CRACD: variants seen among roughly 807,000 people sequenced by gnomAD.
CRACD encodes the protein capping protein-inhibiting regulator of actin dynamics.
Under a neutral mutation model 106.8 loss-of-function variants are expected in CRACD, and 56 were observed. That is an observed-to-expected ratio of 0.52 (90% CI 0.42 to 0.66). The LOEUF is 0.66. CRACD is among the 30% of genes least tolerant of loss of function. CRACD has a pLI of 0.00. For missense variants in CRACD, 1,730 were observed against 1,623.2 expected, an observed-to-expected ratio of 1.07 and a Z score of -1.13; for synonymous variants, 754 against 670.8, an observed-to-expected ratio of 1.12 and a Z score of -1.92.
intron 1 of CRACD, among the ~76,000 whole-genome samples, chr4:56,162,020 T>A (rs1208400834): frequency 6.6e-6 from 1 of 152,112 alleles, no homozygotes; most frequent in Non-Finnish European, 1.5e-5. Flanking sequence ...CGCCTCGGCC[T>A]CCCAAAGTGA....
At chr4:56,273,424 T>TC in intron 3 of CRACD, among the ~76,000 whole-genome samples, 1 of 143,892 alleles carries the variant, frequency 6.9e-6, no homozygotes, top group Admixed American at 6.9e-5. Context: ...CTTTCTTCCC[T>TC]TCCTTCCTTC....
At chr4:56,153,141 C>T (rs10004358) in intron 1 of CRACD, among the ~76,000 whole-genome samples, 63,850 of 151,808 alleles carry the variant, frequency 0.42, 13,908 homozygotes, top group African/African-American at 0.52. Context: ...TAGCTGGGCA[C>T]GGTGGCACAT....
intron 2 of CRACD, among the ~76,000 whole-genome samples, chr4:56,232,736 A>ATTTATTTATTTATTTT (rs1425944250): frequency 6.7e-6 from 1 of 150,178 alleles, no homozygotes; most frequent in African/African-American, 2.5e-5. Context: ...TTATTTATTT[A>ATTTATTTATTTATTTT]TTTTTTGAGA....
intron 1 of CRACD, among the ~76,000 whole-genome samples, chr4:56,152,691 C>A (rs1735623514): frequency 6.6e-6 from 1 of 151,664 alleles, no homozygotes; most frequent in African/African-American, 2.4e-5. Context: ...CAGAGTGAGA[C>A]CCTGTCTCAA....
At chr4:56,300,281 A>T (rs576707937) in intron 4 of CRACD, among the ~76,000 whole-genome samples, 96 of 152,342 alleles carry the variant, frequency 6.3e-4, no homozygotes, top group African/African-American at 2.1e-3. Flanking sequence ...ACAGGGAAGT[A>T]GCCAAGAGAC....
At chr4:56,264,991 C>T (rs1419187366) in intron 2 of CRACD, among the ~76,000 whole-genome samples, 1 of 152,152 alleles carries the variant, frequency 6.6e-6, no homozygotes, top group East Asian at 1.9e-4. Context: ...AGCTGCCATG[C>T]TCACCTTACC....
chr4:56,235,891 A>G (rs770302643), intron 2 of CRACD, among the ~76,000 whole-genome samples: 7 of 152,220 alleles, frequency 4.6e-5, no homozygotes, highest in Non-Finnish European at 1.0e-4. Context: ...TTCTCTGGCC[A>G]GAGTTTTAAG....
intron 2 of CRACD, among the ~76,000 whole-genome samples, chr4:56,238,499 C>T (rs912758240): frequency 2.0e-5 from 3 of 152,194 alleles, no homozygotes; most frequent in Admixed American, 6.5e-5. Flanking sequence ...GTCACAGGCC[C>T]ACCCAGGTGG....
intron 2 of CRACD, among the ~76,000 whole-genome samples, chr4:56,185,328 A>G (rs892623141): frequency 6.6e-6 from 1 of 151,780 alleles, no homozygotes; most frequent in African/African-American, 2.4e-5. Context: ...CATTTTCATC[A>G]CCCCAAAATA....
chr4:56,211,785 A>T (rs1316684259), intron 2 of CRACD, among the ~76,000 whole-genome samples: 2 of 152,206 alleles, frequency 1.3e-5, no homozygotes, highest in Non-Finnish European at 2.9e-5. Flanking sequence ...TTAGGGAAGG[A>T]TAGGTATGTG....
chr4:56,229,340 A>G (rs1178677215), intron 2 of CRACD, among the ~76,000 whole-genome samples: 1 of 152,076 alleles, frequency 6.6e-6, no homozygotes, highest in Non-Finnish European at 1.5e-5. Flanking sequence ...CTCTTCGAGG[A>G]CACCATGTTT....
At chr4:56,284,630 TAGG>T (rs765965793) in intron 3 of CRACD, among the ~76,000 whole-genome samples, 2 of 151,804 alleles carry the variant, frequency 1.3e-5, no homozygotes, top group African/African-American at 2.4e-5. Flanking sequence ...GAGGCTGAAG[TAGG>T]AGAATTGCTT....
intron 1 of CRACD, among the ~76,000 whole-genome samples, chr4:56,169,450 C>G (rs936142604): frequency 6.6e-6 from 1 of 152,094 alleles, no homozygotes; most frequent in Non-Finnish European, 1.5e-5. Context: ...GTTCATGAAC[C>G]CTTGCCAGGC....
chr4:56,241,571 G>C (rs1740368761), intron 2 of CRACD, among the ~76,000 whole-genome samples: 1 of 152,156 alleles, frequency 6.6e-6, no homozygotes, highest in Non-Finnish European at 1.5e-5. Context: ...TTCCAGGCAT[G>C]GTTAATAGAT....
intron 1 of CRACD, among the ~76,000 whole-genome samples, chr4:56,070,367 TC>T (rs1276884503): frequency 5.3e-5 from 8 of 150,630 alleles, no homozygotes; most frequent in African/African-American, 2.0e-4. Context: ...TGGCGCCATC[TC>T]GGCTCACTGC....
At chr4:56,206,541 A>G (rs1007637505) in intron 2 of CRACD, among the ~76,000 whole-genome samples, 1 of 152,194 alleles carries the variant, frequency 6.6e-6, no homozygotes, top group Non-Finnish European at 1.5e-5. Context: ...TATCTTTGAC[A>G]ATATGTTCTG....
intron 1 of CRACD, among the ~76,000 whole-genome samples, chr4:56,065,557 G>T (rs573266867): frequency 1.3e-5 from 2 of 152,170 alleles, no homozygotes; most frequent in African/African-American, 2.4e-5. Context: ...CCTCCGGTGA[G>T]GTACAGGGTA....
At chr4:56,113,895 T>C (rs1734198836) in intron 1 of CRACD, among the ~76,000 whole-genome samples, 1 of 152,166 alleles carries the variant, frequency 6.6e-6, no homozygotes, top group Non-Finnish European at 1.5e-5. Context: ...AAAGCTTTCT[T>C]GTATACATAA....
intron 4 of CRACD, among the ~76,000 whole-genome samples, chr4:56,301,831 G>A (rs73240538): frequency 6.6e-6 from 1 of 151,690 alleles, no homozygotes; most frequent in Non-Finnish European, 1.5e-5. Context: ...AGATTTAAAA[G>A]AAAAAAATCA....
Sources: allele counts gnomAD v4.1 joint callset (sites outside exome capture counted in the v4.1 genomes callset), GRCh38; gene constraint gnomAD v4.1.1; transcripts MANE v1.5; gene names NCBI Gene and HGNC (gene_info 2026-07-23, HGNC 2026-07-21).